The following TENM2 variants were observed in gnomAD, a reference collection of about 807,000 sequenced individuals.
TENM2 encodes the protein teneurin-2.
Under a neutral mutation model 245.2 loss-of-function variants are expected in TENM2, and 52 were observed. The observed-to-expected ratio is 0.21, with a 90% CI of 0.17 to 0.27. The LOEUF (loss-of-function observed/expected upper bound fraction) is 0.27, where lower values mean the gene tolerates loss of function less well. Ranked by LOEUF, TENM2 falls within the 10% of genes least tolerant of loss-of-function variation. The probability of loss-of-function intolerance (pLI) is 1.00; values close to 1 mark genes in which losing one functional copy is unlikely to be tolerated. For missense variants in TENM2, 3,046 were observed against 3,666.8 expected (o/e 0.83, Z 4.37); for synonymous variants, 1,363 against 1,438.9 (o/e 0.95, Z 1.19).
At chr5:167,144,056 G>T in the TENM2 span, among the ~76,000 whole-genome samples, 34 of 152,012 alleles carry the variant, frequency 2.2e-4, no homozygotes, top group Admixed American at 7.2e-4. Context: ...AAATGAGGGG[G>T]TTTTTTAAAC....
chr5:167,678,887 C>G (rs958180216), intron 2 of TENM2, among the ~76,000 whole-genome samples: 1 of 151,950 alleles, frequency 6.6e-6, no homozygotes, highest in Non-Finnish European at 1.5e-5. Flanking sequence ...TTTTCAATTA[C>G]TGTTGCAGAG....
At chr5:167,551,039 C>T (rs927882386) in intron 2 of TENM2, among the ~76,000 whole-genome samples, 1 of 152,060 alleles carries the variant, frequency 6.6e-6, no homozygotes, top group Non-Finnish European at 1.5e-5. Context: ...ATAACCTTCT[C>T]ATATAGTGGA....
chr5:168,138,739 A>G (rs1457578942), intron 12 of TENM2, among the ~76,000 whole-genome samples: 1 of 152,240 alleles, frequency 6.6e-6, no homozygotes, highest in Non-Finnish European at 1.5e-5. Context: ...CACATCATCC[A>G]TGGTAACATG....
intron 2 of TENM2, among the ~76,000 whole-genome samples, chr5:167,677,678 C>T (rs1015710120): frequency 4.0e-5 from 6 of 149,850 alleles, no homozygotes; most frequent in African/African-American, 1.2e-4. Flanking sequence ...CATTTAGTTC[C>T]AAAATATGGT....
intron 13 of TENM2, among the ~76,000 whole-genome samples, chr5:168,185,609 C>G (rs1037674522): frequency 2.0e-5 from 3 of 151,010 alleles, no homozygotes; most frequent in Non-Finnish European, 4.4e-5. Context: ...TTAAGAGTTA[C>G]ATTATTCTGC....
the TENM2 span, among the ~76,000 whole-genome samples, chr5:167,184,590 C>G: frequency 6.6e-6 from 1 of 152,034 alleles, no homozygotes; most frequent in South Asian, 2.1e-4. Context: ...CAAGCCTGAC[C>G]CTTATGTGTA....
At chr5:167,600,088 T>TAGCCAACACTGCACCACTCCACTCCAGC (rs1314946515) in intron 2 of TENM2, among the ~76,000 whole-genome samples, 15 of 149,520 alleles carry the variant, frequency 1.0e-4, no homozygotes, top group South Asian at 2.2e-4. Context: ...GGAGTTTGCT[T>TAGCCAACACTGCACCACTCCACTCCAGC]CATTTATAGG....
At chr5:167,124,846 C>T in the TENM2 span, among the ~76,000 whole-genome samples, 1 of 152,022 alleles carries the variant, frequency 6.6e-6, no homozygotes, top group Non-Finnish European at 1.5e-5. Flanking sequence ...TTATTATTTT[C>T]ATTATTTGTA....
chr5:167,754,919 A>T, intron 2 of TENM2: 1 of 1,169,600 alleles, frequency 8.5e-7, no homozygotes. Context: ...GGAGGGAGAG[A>T]GCAGATATTG....
chr5:167,396,981 A>G (rs958500421), intron 2 of TENM2, among the ~76,000 whole-genome samples: 1 of 152,164 alleles, frequency 6.6e-6, no homozygotes, highest in African/African-American at 2.4e-5. Context: ...CTGGAGAAAT[A>G]TCCCCAATCT....
the TENM2 span, among the ~76,000 whole-genome samples, chr5:167,204,377 A>C: frequency 6.6e-6 from 1 of 152,226 alleles, no homozygotes; most frequent in African/African-American, 2.4e-5. Flanking sequence ...TGAGAAGATT[A>C]ATGTGGACAA....
intron 2 of TENM2, among the ~76,000 whole-genome samples, chr5:167,796,208 T>C (rs1464993175): frequency 6.6e-6 from 1 of 152,208 alleles, no homozygotes; most frequent in Non-Finnish European, 1.5e-5. Flanking sequence ...CTCTTGATCC[T>C]CTTGATATAT....
chr5:167,559,068 AACTC>A (rs1381070595), intron 2 of TENM2, among the ~76,000 whole-genome samples: 16 of 152,178 alleles, frequency 1.1e-4, no homozygotes, highest in African/African-American at 3.9e-4. Flanking sequence ...AATGAACATA[AACTC>A]ACAATCTTAC....
chr5:167,237,868 G>A, the TENM2 span, among the ~76,000 whole-genome samples: 26 of 152,084 alleles, frequency 1.7e-4, no homozygotes, highest in African/African-American at 6.3e-4. Flanking sequence ...AAAATTAGCT[G>A]GGCGTGGTGG....
intron 2 of TENM2, among the ~76,000 whole-genome samples, chr5:167,465,763 G>A (rs1325428252): frequency 6.6e-6 from 1 of 152,090 alleles, no homozygotes; most frequent in Non-Finnish European, 1.5e-5. Context: ...CCCGGGAGGC[G>A]GAGCTTGCAG....
chr5:167,408,802 A>G (rs1019087316), intron 2 of TENM2, among the ~76,000 whole-genome samples: 1 of 150,312 alleles, frequency 6.7e-6, no homozygotes, highest in Non-Finnish European at 1.5e-5. Context: ...ATATATATAT[A>G]TAATTTAATA....
At chr5:167,310,474 TAAAA>T (rs892298804) in intron 1 of TENM2, among the ~76,000 whole-genome samples, 1 of 151,826 alleles carries the variant, frequency 6.6e-6, no homozygotes, top group South Asian at 2.1e-4. Flanking sequence ...TTTCAAAAAA[TAAAA>T]AAAGAAAAAA....
chr5:167,175,908 C>T, the TENM2 span, among the ~76,000 whole-genome samples: 2 of 152,146 alleles, frequency 1.3e-5, no homozygotes, highest in Non-Finnish European at 2.9e-5. Context: ...TGGGGTTTCA[C>T]CGTATTGGCG....
chr5:167,508,876 A>G (rs549533104), intron 2 of TENM2, among the ~76,000 whole-genome samples: 2 of 152,234 alleles, frequency 1.3e-5, no homozygotes, highest in East Asian at 1.9e-4. Context: ...CTGGAGTGCA[A>G]TGGCGTGATC....
Sources: gnomAD v4.1 joint callset for allele counts (sites outside exome capture counted in the v4.1 genomes callset) on GRCh38, gnomAD v4.1.1 for gene constraint, MANE v1.5 for transcripts, NCBI Gene and HGNC (gene_info 2026-07-23, HGNC 2026-07-21) for gene names.